NTM: variants seen among roughly 807,000 people sequenced by gnomAD.
The protein encoded by NTM is IgLON family member 2.
NTM carries 13 observed loss-of-function variants against 42.1 expected under a neutral mutation model. The observed-to-expected ratio is 0.31, with a 90% CI of 0.20 to 0.49. NTM has a LOEUF of 0.49. Ranked by LOEUF, NTM falls within the 20% of genes least tolerant of loss-of-function variation. The pLI, the probability that NTM is intolerant of heterozygous loss-of-function variation, is 0.99. For missense variants in NTM, 373 were observed against 452.8 expected, an observed-to-expected ratio of 0.82 and a Z score of 1.60; for synonymous variants, 187 against 179.2, an observed-to-expected ratio of 1.04 and a Z score of -0.35.
chr11:131,907,555 A>G (rs930074518), intron 1 of NTM, among the ~76,000 whole-genome samples: 3 of 152,220 alleles, frequency 2.0e-5, no homozygotes, highest in African/African-American at 7.2e-5. Flanking sequence ...ACCTGAAGCA[A>G]TTACAGCTGT....
intron 1 of NTM, among the ~76,000 whole-genome samples, chr11:131,786,823 G>C (rs1229648695): frequency 1.3e-5 from 2 of 152,198 alleles, no homozygotes; most frequent in Non-Finnish European, 2.9e-5. Flanking sequence ...GGCATTCTTA[G>C]ACTAGGCTCT....
chr11:131,378,635 C>T (rs975014459), intron 1 of NTM, among the ~76,000 whole-genome samples: 1 of 152,176 alleles, frequency 6.6e-6, no homozygotes, highest in Admixed American at 6.5e-5. Context: ...CTGATAATGA[C>T]TCTCAATTGA....
intron 4 of NTM, among the ~76,000 whole-genome samples, chr11:132,221,047 A>G (rs1384530902): frequency 1.3e-5 from 2 of 152,116 alleles, no homozygotes; most frequent in African/African-American, 4.8e-5. Context: ...TTTCTTGTGT[A>G]GGACCCTCCG....
At chr11:131,522,193 C>T (rs1370058890) in intron 1 of NTM, among the ~76,000 whole-genome samples, 2 of 152,098 alleles carry the variant, frequency 1.3e-5, no homozygotes, top group African/African-American at 2.4e-5. Flanking sequence ...GCATCCCCGG[C>T]TGACTTTTGA....
At chr11:131,557,053 A>T (rs1253842931) in intron 1 of NTM, among the ~76,000 whole-genome samples, 2 of 152,038 alleles carry the variant, frequency 1.3e-5, no homozygotes, top group African/African-American at 2.4e-5. Flanking sequence ...GGTGATTTGT[A>T]ACTTTTTTTC....
intron 1 of NTM, among the ~76,000 whole-genome samples, chr11:131,906,833 C>T (rs2053933301): frequency 6.6e-6 from 1 of 152,194 alleles, no homozygotes; most frequent in Non-Finnish European, 1.5e-5. Flanking sequence ...GAGCCCTCTT[C>T]CCCTTTTCAA....
At chr11:131,480,925 TGAG>T (rs1953511621) in intron 1 of NTM, among the ~76,000 whole-genome samples, 1 of 152,020 alleles carries the variant, frequency 6.6e-6, no homozygotes, top group African/African-American at 2.4e-5. Flanking sequence ...CTTTGAAAAT[TGAG>T]GAGGGAATTG....
chr11:131,979,579 T>C (rs901946703), intron 2 of NTM, among the ~76,000 whole-genome samples: 48 of 152,302 alleles, frequency 3.2e-4, no homozygotes, highest in African/African-American at 1.0e-3. Context: ...AATTAAGATA[T>C]GATCTGCCAG....
intron 1 of NTM, among the ~76,000 whole-genome samples, chr11:131,579,741 G>C (rs1207220602): frequency 6.6e-6 from 1 of 152,206 alleles, no homozygotes; most frequent in Admixed American, 6.5e-5. Context: ...GAGATGCAGG[G>C]CTTCACCTGG....
intron 1 of NTM, among the ~76,000 whole-genome samples, chr11:131,586,607 C>T (rs910533121): frequency 7.0e-4 from 106 of 152,184 alleles, no homozygotes; most frequent in African/African-American, 2.5e-3. Flanking sequence ...AGGAGGAACC[C>T]TGAGCCAGAG....
chr11:131,560,992 G>A (rs1391378189), intron 1 of NTM, among the ~76,000 whole-genome samples: 2 of 152,188 alleles, frequency 1.3e-5, no homozygotes, highest in African/African-American at 4.8e-5. Context: ...ATTCCGGGTG[G>A]CGTGCAAGAT....
At chr11:131,963,214 G>T (rs564948811) in intron 2 of NTM, among the ~76,000 whole-genome samples, 27 of 152,198 alleles carry the variant, frequency 1.8e-4, no homozygotes, top group Admixed American at 1.4e-3. Flanking sequence ...ACACCAGCTC[G>T]CCATGCTCCC....
chr11:131,789,611 A>AAGG lies in NTM; in HGVS notation c.83-121951_83-121950insGAG, dbSNP rs1565552675. 3.6e-4 allele frequency among the ~76,000 whole-genome samples: 30 copies of AAGG among 83,452 alleles called. 5 individuals carry two copies. The highest frequency in any genetic ancestry group is 5.6e-3 in the Middle Eastern group (1 of 180). The allele number at this position is 83,452 out of a possible 152,430, so 54.7% of individuals were successfully genotyped here. A position where few individuals can be genotyped will look rare whatever the true frequency, so the allele number is the denominator to read the frequency against. On this transcript the variant is annotated intron_variant, in intron 1 of 8. Transcript: ENST00000683400. ...GAAGAAGAAGAAGAAGAAGAAGAAG[A>AAGG]AGAAGAAGAAGAAGAAGAAGAAGAA...
At position 132,325,330 on chromosome 11, in the gene NTM, A is replaced by G. The variant is rs540032955; in HGVS notation, c.935-4823A>G. 3.1e-4 allele frequency among the ~76,000 whole-genome samples: 47 copies of G among 152,216 alleles called. 3 individuals carry two copies. In the South Asian group the frequency reaches 9.5e-3, roughly 31 times the overall value. ...AACTCAAACAAATTTACAAGAAAAA[A>G]ACAACCCCATCAAAAAGTGGGCAAA... On this transcript the variant is annotated intron_variant, in intron 7 of 8. Transcript: ENST00000683400.
At chr11:131,937,260 G>T (rs2059323070) in intron 2 of NTM, among the ~76,000 whole-genome samples, 1 of 152,138 alleles carries the variant, frequency 6.6e-6, no homozygotes, top group Non-Finnish European at 1.5e-5. Flanking sequence ...CAATGAAAAA[G>T]AACTGTTATT....
At chr11:131,782,310 A>C in intron 1 of NTM, among the ~76,000 whole-genome samples, 1 of 152,094 alleles carries the variant, frequency 6.6e-6, no homozygotes, top group Admixed American at 6.6e-5. Flanking sequence ...AATTCCCCAC[A>C]AACCAAAAAT....
At chr11:131,654,190 G>A (rs2066874954) in intron 1 of NTM, among the ~76,000 whole-genome samples, 1 of 152,208 alleles carries the variant, frequency 6.6e-6, no homozygotes, top group Non-Finnish European at 1.5e-5. Flanking sequence ...CTGTCAGCAG[G>A]AGAGGCAGGA....
At chr11:131,486,350 C>A (rs1954173750) in intron 1 of NTM, among the ~76,000 whole-genome samples, 1 of 152,178 alleles carries the variant, frequency 6.6e-6, no homozygotes, top group Admixed American at 6.5e-5. Context: ...GCATGCAGGA[C>A]ACCACGTTGT....
intron 1 of NTM, among the ~76,000 whole-genome samples, chr11:131,602,881 C>G (rs927138699): frequency 6.6e-6 from 1 of 152,180 alleles, no homozygotes; most frequent in African/African-American, 2.4e-5. Context: ...TCACTTACCA[C>G]CTATATTTAA....
Sources: allele counts gnomAD v4.1 joint callset (sites outside exome capture counted in the v4.1 genomes callset), GRCh38; gene constraint gnomAD v4.1.1; transcripts MANE v1.5; gene names NCBI Gene and HGNC (gene_info 2026-07-23, HGNC 2026-07-21).